MRC1: variants seen among roughly 807,000 people sequenced by gnomAD.
MRC1 encodes macrophage mannose receptor 1.
In MRC1, 62 loss-of-function variants were observed where a neutral mutation model predicts 102.9. The ratio of observed to expected loss-of-function variants is 0.60; its 90% CI spans 0.49 to 0.74. MRC1 has a LOEUF of 0.74. Ranked by LOEUF, MRC1 falls within the 30% of genes least tolerant of loss-of-function variation. The pLI, the probability that MRC1 is intolerant of heterozygous loss-of-function variation, is 0.00. For synonymous variants in MRC1, 457 were observed against 298.4 expected (o/e 1.53, Z -5.48); for missense variants, 1,237 against 862.8 (o/e 1.43, Z -5.43).
At chr10:17,889,602 G>C (rs1833646111) in intron 22 of MRC1, among the ~76,000 whole-genome samples, 1 of 152,108 alleles carries the variant, frequency 6.6e-6, no homozygotes, top group African/African-American at 2.4e-5. Context: ...TTTAGTGGTT[G>C]CTCTTGAGTT....
chr10:17,820,988 A>C (rs1838386810), intron 1 of MRC1, among the ~76,000 whole-genome samples: 2 of 152,208 alleles, frequency 1.3e-5, no homozygotes, highest in Non-Finnish European at 2.9e-5. Context: ...GCAGTTACAA[A>C]ATGAGATCAA....
intron 4 of MRC1, among the ~76,000 whole-genome samples, chr10:17,838,550 C>T (rs1838703327): frequency 1.1e-5 from 1 of 90,312 alleles, no homozygotes; most frequent in East Asian, 2.5e-4. Flanking sequence ...CACATTGGAC[C>T]TCAATTAAAA....
chr10:17,856,771 T>C (rs1308844123), intron 9 of MRC1, among the ~76,000 whole-genome samples: 2 of 152,170 alleles, frequency 1.3e-5, no homozygotes, highest in Non-Finnish European at 2.9e-5. Flanking sequence ...AAGTTGCTGA[T>C]AGCAAATGAT....
At chr10:17,836,574 C>G (rs1589170316) in intron 4 of MRC1, among the ~76,000 whole-genome samples, 1 of 152,168 alleles carries the variant, frequency 6.6e-6, no homozygotes. Context: ...GTGGCTCACC[C>G]TTGTATTCCC....
chr10:17,897,197 G>A (rs886723442), intron 23 of MRC1, among the ~76,000 whole-genome samples: 5 of 152,254 alleles, frequency 3.3e-5, no homozygotes, highest in South Asian at 2.1e-4. Flanking sequence ...CAGACCACAG[G>A]TCAGATTTCA....
At chr10:17,853,241 G>C (rs1355017650) in intron 8 of MRC1, 117 bp downstream of exon 8, 3 of 714,522 alleles carry the variant, frequency 4.2e-6, no homozygotes, top group Admixed American at 2.0e-5. Flanking sequence ...AATTGGCATG[G>C]ATCAAAGGTG....
chr10:17,828,278 G>A (rs1167272613), intron 3 of MRC1, among the ~76,000 whole-genome samples: 1 of 151,270 alleles, frequency 6.6e-6, no homozygotes, highest in South Asian at 2.1e-4. Flanking sequence ...GGGTTTCACT[G>A]TGTTAGCCAG....
intron 13 of MRC1, 32 bp from the exon 14 acceptor site, chr10:17,870,816 C>A (rs1448124551): frequency 1.1e-4 from 93 of 871,576 alleles, no homozygotes; most frequent in Non-Finnish European, 1.6e-4. Flanking sequence ...CATGCAATAG[C>A]ATATGCTTTC....
At chr10:17,836,866 A>G (rs1554839502) in intron 4 of MRC1, among the ~76,000 whole-genome samples, 8 of 152,268 alleles carry the variant, frequency 5.3e-5, no homozygotes, top group Non-Finnish European at 1.5e-5. Flanking sequence ...AAATTTAAAA[A>G]AAAAGGAAAG....
At chr10:17,822,938 CTT>C in intron 1 of MRC1, 134 bp from the exon 2 acceptor site, 1 of 672,408 alleles carries the variant, frequency 1.5e-6, no homozygotes, top group Non-Finnish European at 2.7e-6. Flanking sequence ...ATCAGTACCT[CTT>C]TTCCTGCAAT....
intron 6 of MRC1, among the ~76,000 whole-genome samples, chr10:17,848,491 G>A (rs930592849): frequency 0.061 from 9,299 of 152,036 alleles, 605 homozygotes; most frequent in African/African-American, 0.16. Context: ...TTTTTGCAGC[G>A]TATAATCAAG....
intron 1 of MRC1, among the ~76,000 whole-genome samples, chr10:17,819,737 G>A (rs1298915061): frequency 2.6e-5 from 4 of 152,066 alleles, no homozygotes; most frequent in Non-Finnish European, 5.9e-5. Flanking sequence ...GAGCCTAGGA[G>A]TTCAAGACCA....
intron 5 of MRC1, among the ~76,000 whole-genome samples, chr10:17,844,925 G>A (rs1320552281): frequency 1.3e-5 from 2 of 151,814 alleles, no homozygotes; most frequent in Non-Finnish European, 1.5e-5. Flanking sequence ...TTTTTTTTAT[G>A]GCGGCATAAT....
chr10:17,813,668 C>G (rs1262818358), intron 1 of MRC1, among the ~76,000 whole-genome samples: 3 of 140,314 alleles, frequency 2.1e-5, no homozygotes, highest in African/African-American at 7.9e-5. Context: ...TATATACACA[C>G]ACACACACAC....
At chr10:17,846,322 T>C (rs1465977118) in intron 6 of MRC1, among the ~76,000 whole-genome samples, 1 of 147,984 alleles carries the variant, frequency 6.8e-6, no homozygotes, top group Non-Finnish European at 1.5e-5. Flanking sequence ...TTCTTCCAAT[T>C]GATGAAAGAC....
chr10:17,863,789 T>A, intron 11 of MRC1, 107 bp downstream of exon 11: 1 of 683,198 alleles, frequency 1.5e-6, no homozygotes. Flanking sequence ...AAATTAGTCA[T>A]GCTTTTAGTA....
chr10:17,819,453 ATGTGTGTGTGTGTGTG>A (rs59778334), intron 1 of MRC1, among the ~76,000 whole-genome samples: 2 of 145,778 alleles, frequency 1.4e-5, no homozygotes, highest in South Asian at 2.2e-4. Flanking sequence ...TCAGAGTTGT[ATGTGTGTGTGTGTGTG>A]TGTGTGTGTG....
At chr10:17,859,238 T>C in intron 9 of MRC1, among the ~76,000 whole-genome samples, 1 of 152,206 alleles carries the variant, frequency 6.6e-6, no homozygotes, top group South Asian at 2.1e-4. Context: ...AAACATGCTG[T>C]TTTTTTAATA....
intron 7 of MRC1, among the ~76,000 whole-genome samples, chr10:17,851,852 A>T (rs953865609): frequency 6.6e-6 from 1 of 152,240 alleles, no homozygotes; most frequent in Non-Finnish European, 1.5e-5. Flanking sequence ...AGACTTCTCC[A>T]AAAGCAAAGT....
Sources: allele counts gnomAD v4.1 joint callset (sites outside exome capture counted in the v4.1 genomes callset), GRCh38; gene constraint gnomAD v4.1.1; transcripts MANE v1.5; gene names NCBI Gene and HGNC (gene_info 2026-07-23, HGNC 2026-07-21).